GNA12: variants seen among roughly 807,000 people sequenced by gnomAD.
GNA12 encodes the protein G protein subunit alpha 12, also known as guanine nucleotide-binding protein subunit alpha-12.
GNA12 carries 9 observed loss-of-function variants against 26.0 expected under a neutral mutation model. The observed-to-expected ratio is 0.35, with a 90% CI of 0.21 to 0.60. The LOEUF (loss-of-function observed/expected upper bound fraction) is 0.60. Ranked by LOEUF, GNA12 falls within the 20% of genes least tolerant of loss-of-function variation. GNA12 has a pLI of 0.78. For synonymous variants in GNA12, 264 were observed against 219.6 expected (o/e 1.20, Z -1.79); for missense variants, 405 against 525.8 (o/e 0.77, Z 2.25).
chr7:2,827,292 G>A (rs1246564405), intron 1 of GNA12, among the ~76,000 whole-genome samples: 1 of 152,158 alleles, frequency 6.6e-6, no homozygotes, highest in Non-Finnish European at 1.5e-5. Context: ...TGATTGGAAC[G>A]TTTTGGAATT....
At position 2,841,578 on chromosome 7, in the gene GNA12, G is replaced by A. The variant is rs533291616; in HGVS notation, c.309+2275C>T. Among the ~76,000 whole-genome samples, 4 of 150,370 alleles carry A rather than the reference G, an allele frequency of 2.7e-5. No homozygotes were observed. In the East Asian group the frequency reaches 5.8e-4, roughly 22 times the overall value. ...GACCAGAGCTCTGACGCACCGAGAGGCTTGGAAAGAGGTAAAATGAAAAAG... is the reference window on the plus strand; with the variant it reads ...GACCAGAGCTCTGACGCACCGAGAGACTTGGAAAGAGGTAAAATGAAAAAG... On this transcript the variant is annotated intron_variant, in intron 1 of 3. Transcript: ENST00000275364.
At chr7:2,764,455 G>C (rs1442790236) in intron 2 of GNA12, among the ~76,000 whole-genome samples, 1 of 152,090 alleles carries the variant, frequency 6.6e-6, no homozygotes, top group Non-Finnish European at 1.5e-5. Context: ...TCCGTATGAA[G>C]TCTATTTGTT....
intron 2 of GNA12, chr7:2,762,199 G>A (rs955334613): frequency 6.0e-6 from 1 of 167,096 alleles, no homozygotes; most frequent in African/African-American, 2.4e-5. Context: ...CCCAGGCTTC[G>A]TTTCTAGGAG....
intron 2 of GNA12, among the ~76,000 whole-genome samples, chr7:2,736,942 G>A (rs983985887): frequency 6.6e-6 from 1 of 152,212 alleles, no homozygotes; most frequent in Non-Finnish European, 1.5e-5. Flanking sequence ...AGACCCTCGA[G>A]ATCAGTACAT....
chr7:2,822,847 AAAGGAGTTG>A (rs759500395), intron 1 of GNA12, among the ~76,000 whole-genome samples: 2 of 152,190 alleles, frequency 1.3e-5, no homozygotes, highest in Non-Finnish European at 2.9e-5. Flanking sequence ...AATGACTTGG[AAAGGAGTTG>A]AAGGAGATAA....
At chr7:2,762,603 C>A in intron 2 of GNA12, 1 of 1,522,444 alleles carries the variant, frequency 6.6e-7, no homozygotes. Context: ...CAAAAAAGGA[C>A]AATCCCCTTC....
chr7:2,840,529 T>C (rs1468489651), intron 1 of GNA12, among the ~76,000 whole-genome samples: 1 of 152,220 alleles, frequency 6.6e-6, no homozygotes, highest in African/African-American at 2.4e-5. Flanking sequence ...CATTCAAATG[T>C]CCAGTACTAA....
chr7:2,775,385 TA>T, intron 2 of GNA12: 1 of 152,328 alleles, frequency 6.6e-6, no homozygotes, highest in Non-Finnish European at 1.5e-5. Context: ...TCATGGGGTC[TA>T]AAAAGGTTCT....
At chr7:2,831,223 C>A (rs1195526029) in intron 1 of GNA12, among the ~76,000 whole-genome samples, 4 of 151,694 alleles carry the variant, frequency 2.6e-5, no homozygotes, top group African/African-American at 9.7e-5. Context: ...AAGTAAATGA[C>A]CGGTTTTCTA....
At chr7:2,743,292 A>C (rs888208692) in intron 2 of GNA12, among the ~76,000 whole-genome samples, 25 of 152,236 alleles carry the variant, frequency 1.6e-4, no homozygotes, top group African/African-American at 5.8e-4. Context: ...CTGCTAAAGC[A>C]AAAATATCAA....
chr7:2,755,240 T>C (rs1220716948), intron 2 of GNA12, among the ~76,000 whole-genome samples: 1 of 152,094 alleles, frequency 6.6e-6, no homozygotes, highest in East Asian at 1.9e-4. Context: ...TTTTTGGCCA[T>C]TCCAGTGCCT....
Position 2,844,168 on chromosome 7 carries a change from T to G in GNA12, c.-7A>C. 3 of 980,358 alleles carry G rather than the reference T, an allele frequency of 3.1e-6. No individual in the cohort carries two copies. The highest frequency in any genetic ancestry group is 3.6e-6 in the Non-Finnish European group (3 of 828,598). The allele number at this position is 980,358 out of a possible 1,614,324, so 60.7% of individuals were successfully genotyped here. A position where few individuals can be genotyped will look rare whatever the true frequency, so the allele number is the denominator to read the frequency against. ...TCCGCACCACCCCGGACATGGCCCC[T>G]CAGGCCGCGGCCGCGCCCCGCCGGC... On this transcript the variant is annotated 5_prime_UTR_variant, in exon 1 of 4. An upstream open reading frame in the 5' UTR loses its in-frame stop. Coordinates refer to ENST00000275364, the MANE Select transcript of GNA12 (RefSeq NM_007353.3).
At chr7:2,761,030 T>C (rs1414626497) in intron 2 of GNA12, among the ~76,000 whole-genome samples, 1 of 152,240 alleles carries the variant, frequency 6.6e-6, no homozygotes, top group African/African-American at 2.4e-5. Flanking sequence ...CATGTTGTTT[T>C]AGACCCAAAA....
rs184196544 is a variant in GNA12 at position 2,836,898 on chromosome 7, C to T, written c.309+6955G>A. On this transcript the variant is annotated intron_variant, in intron 1 of 3. Transcript: ENST00000275364. ...AGGATTGCGCCACTGCACTCCAGCCCGGGCAACAAGAGCGAAACTCCATCT... is the reference window on the plus strand; with the variant it reads ...AGGATTGCGCCACTGCACTCCAGCCTGGGCAACAAGAGCGAAACTCCATCT... Among the ~76,000 whole-genome samples, 73 of 152,098 alleles carry T rather than the reference C, an allele frequency of 4.8e-4. 1 individual carries two copies. In the East Asian group the frequency reaches 0.013, roughly 28 times the overall value.
chr7:2,811,890 C>T (rs1351601522), intron 1 of GNA12, among the ~76,000 whole-genome samples: 3 of 152,234 alleles, frequency 2.0e-5, no homozygotes, highest in African/African-American at 7.2e-5. Context: ...CCCTTAAGAG[C>T]CAAGTGAAAA....
At chr7:2,744,061 C>T (rs1280834930) in intron 2 of GNA12, among the ~76,000 whole-genome samples, 1 of 152,356 alleles carries the variant, frequency 6.6e-6, no homozygotes, top group South Asian at 2.1e-4. Context: ...CTCAAGGAGG[C>T]CTGCCTGCCT....
chr7:2,770,419 C>A (rs1226575148), intron 2 of GNA12, among the ~76,000 whole-genome samples: 2 of 152,162 alleles, frequency 1.3e-5, no homozygotes, highest in Admixed American at 1.3e-4. Context: ...TTCAGCTAGG[C>A]TTGTGACAGG....
At position 2,757,568 on chromosome 7, in the gene GNA12, G is replaced by A. The variant is rs186267387; in HGVS notation, c.526-24067C>T. On this transcript the variant is annotated intron_variant, in intron 2 of 3. Coordinates refer to ENST00000275364, the MANE Select transcript of GNA12 (RefSeq NM_007353.3). ...GATGGGAACGCGGCCAGGTGCACCA[G>A]CCTGCGAGGTTCCGAGCAGAGCACG... 2.2e-3 allele frequency among the ~76,000 whole-genome samples: 337 copies of A among 152,346 alleles called. 3 individuals carry two copies. Among genetic ancestry groups the A allele is most frequent in the Non-Finnish European group, 3.5e-3 (239 of 68,032 alleles).
chr7:2,735,538 A>G (rs980729708), intron 2 of GNA12, among the ~76,000 whole-genome samples: 5 of 152,202 alleles, frequency 3.3e-5, no homozygotes, highest in African/African-American at 1.2e-4. Flanking sequence ...GATGGGAAGC[A>G]GAAAACAGGA....
Sources: gnomAD v4.1 joint callset for allele counts (sites outside exome capture counted in the v4.1 genomes callset) on GRCh38, gnomAD v4.1.1 for gene constraint, MANE v1.5 for transcripts, NCBI Gene and HGNC (gene_info 2026-07-23, HGNC 2026-07-21) for gene names.